The following CACNA2D3 variants were observed in gnomAD, a reference collection of about 807,000 sequenced individuals.
The protein encoded by CACNA2D3 is calcium voltage-gated channel auxiliary subunit alpha2delta 3.
A neutral mutation model predicts 160.6 loss-of-function variants in CACNA2D3; 60 were observed. The ratio of observed to expected loss-of-function variants is 0.37; its 90% confidence interval spans 0.30 to 0.46. The LOEUF (loss-of-function observed/expected upper bound fraction) is 0.46, where lower values mean the gene tolerates loss of function less well. CACNA2D3 is among the 20% of genes least tolerant of loss of function. The pLI, the probability that CACNA2D3 is intolerant of heterozygous loss-of-function variation, is 1.00. For missense variants in CACNA2D3, 1,205 were observed against 1,365.0 expected (o/e 0.88, Z 1.85); for synonymous variants, 558 against 492.9 (o/e 1.13, Z -1.75).
At chr3:54,829,885 C>CTTTTTTTTTTTTTTTTTTTTTTTTT (rs58291013) in intron 14 of CACNA2D3, among the ~76,000 whole-genome samples, 2 of 64,310 alleles carry the variant, frequency 3.1e-5, no homozygotes, top group African/African-American at 6.3e-5. Flanking sequence ...TCTTCTTCAT[C>CTTTTTTTTTTTTTTTTTTTTTTTTT]TTTTTTTTTT....
chr3:54,583,265 AC>A (rs1702708195), intron 9 of CACNA2D3, among the ~76,000 whole-genome samples: 1 of 152,196 alleles, frequency 6.6e-6, no homozygotes, highest in African/African-American at 2.4e-5. Context: ...TCCCAGAGGA[AC>A]AAAGGACAGT....
chr3:54,591,826 C>T (rs181816088), intron 9 of CACNA2D3, among the ~76,000 whole-genome samples: 9 of 151,812 alleles, frequency 5.9e-5, no homozygotes, highest in South Asian at 2.1e-4. Flanking sequence ...GTGTAGAACT[C>T]GCGGTGTGAT....
At chr3:54,680,008 C>T (rs1489175363) in intron 11 of CACNA2D3, among the ~76,000 whole-genome samples, 6 of 152,124 alleles carry the variant, frequency 3.9e-5, no homozygotes, top group Non-Finnish European at 5.9e-5. Context: ...TTATGAAAAC[C>T]AGTAACAGCG....
chr3:54,339,701 A>G (rs1032354887), intron 3 of CACNA2D3, among the ~76,000 whole-genome samples: 1 of 152,224 alleles, frequency 6.6e-6, no homozygotes, highest in South Asian at 2.1e-4. Context: ...ACAATATTAG[A>G]AACTCGAGTA....
chr3:54,145,195 A>G (rs2107272970), intron 2 of CACNA2D3, among the ~76,000 whole-genome samples: 1 of 152,364 alleles, frequency 6.6e-6, no homozygotes, highest in Non-Finnish European at 1.5e-5. Flanking sequence ...AATTAAGGGT[A>G]ACAGTAATAA....
chr3:54,151,961 G>T (rs1700159894), intron 2 of CACNA2D3, among the ~76,000 whole-genome samples: 2 of 152,164 alleles, frequency 1.3e-5, no homozygotes, highest in African/African-American at 4.8e-5. Context: ...AAGCACCTTT[G>T]CAGGTCCTGC....
intron 27 of CACNA2D3, among the ~76,000 whole-genome samples, chr3:54,952,901 G>A (rs1050229197): frequency 2.0e-5 from 3 of 152,138 alleles, no homozygotes; most frequent in Non-Finnish European, 2.9e-5. Flanking sequence ...ACTAGGTCTG[G>A]CTTACTTGTC....
chr3:54,679,540 C>T lies in CACNA2D3; in HGVS notation c.1167+37299C>T, dbSNP rs143280101. Among the ~76,000 whole-genome samples, 841 of 152,236 alleles carry T rather than the reference C, an allele frequency of 5.5e-3. 14 individuals carry two copies. The highest frequency in any genetic ancestry group is 0.019 in the African/African-American group (803 of 41,536). On this transcript the variant is annotated intron_variant, in intron 11 of 37. Coordinates refer to ENST00000474759, the MANE Select transcript of CACNA2D3 (RefSeq NM_018398.3). ...TGCAGTTTTCCAGATTGTGGTAGGCCTCCATTCTTTGTGCAATGTCATATA... is the reference window on the plus strand; with the variant it reads ...TGCAGTTTTCCAGATTGTGGTAGGCTTCCATTCTTTGTGCAATGTCATATA...
At chr3:54,419,241 G>C (rs1351235737) in intron 4 of CACNA2D3, among the ~76,000 whole-genome samples, 1 of 152,162 alleles carries the variant, frequency 6.6e-6, no homozygotes, top group African/African-American at 2.4e-5. Context: ...TCCACAGAGG[G>C]GCTGTGCTTA....
At chr3:54,348,760 G>C (rs549370008) in intron 3 of CACNA2D3, among the ~76,000 whole-genome samples, 1 of 152,148 alleles carries the variant, frequency 6.6e-6, no homozygotes, top group South Asian at 2.1e-4. Flanking sequence ...ACGGAGTCTC[G>C]CTCTGTCACC....
At chr3:54,803,655 C>A (rs1336898577) in intron 13 of CACNA2D3, among the ~76,000 whole-genome samples, 2 of 152,162 alleles carry the variant, frequency 1.3e-5, no homozygotes, top group Non-Finnish European at 1.5e-5. Context: ...AGTAGAACTT[C>A]CCCAATCTAG....
At chr3:54,317,383 A>G (rs1703886858) in intron 2 of CACNA2D3, among the ~76,000 whole-genome samples, 1 of 152,192 alleles carries the variant, frequency 6.6e-6, no homozygotes, top group Admixed American at 6.5e-5. Flanking sequence ...GGTAATTTAC[A>G]AGAGAAGAGT....
chr3:54,470,375 A>G (rs1700707980), intron 4 of CACNA2D3, among the ~76,000 whole-genome samples: 2 of 152,262 alleles, frequency 1.3e-5, no homozygotes, highest in East Asian at 1.9e-4. Context: ...ACAGAGAAGC[A>G]AATGGTGAGA....
intron 27 of CACNA2D3, among the ~76,000 whole-genome samples, chr3:54,942,489 G>T (rs1238185761): frequency 6.6e-6 from 1 of 152,180 alleles, no homozygotes; most frequent in Non-Finnish European, 1.5e-5. Context: ...CTGATTATAT[G>T]CTCCTCTTAA....
intron 11 of CACNA2D3, among the ~76,000 whole-genome samples, chr3:54,696,591 G>T (rs1158554482): frequency 6.6e-6 from 1 of 152,138 alleles, no homozygotes; most frequent in Non-Finnish European, 1.5e-5. Flanking sequence ...ACAGAGGAAA[G>T]AATGGCACAG....
intron 29 of CACNA2D3, among the ~76,000 whole-genome samples, chr3:54,970,449 CCTCCTCTCCTCCCCTCCG>C (rs1702245493): frequency 1.7e-5 from 1 of 57,390 alleles, no homozygotes; most frequent in Non-Finnish European, 3.8e-5. Context: ...CCTCCCCTCC[CCTCCTCTCCTCCCCTCCG>C]TTCCTCACCC....
At chr3:54,246,417 A>G (rs1702077306) in intron 2 of CACNA2D3, among the ~76,000 whole-genome samples, 1 of 152,168 alleles carries the variant, frequency 6.6e-6, no homozygotes, top group Admixed American at 6.6e-5. Context: ...TGGGGGCCGG[A>G]TGCGATGGCT....
intron 5 of CACNA2D3, among the ~76,000 whole-genome samples, chr3:54,531,688 C>T (rs71301891): frequency 6.6e-6 from 1 of 152,196 alleles, no homozygotes; most frequent in Non-Finnish European, 1.5e-5. Context: ...TGTCGGAAGT[C>T]ATCATTCCAA....
At chr3:54,515,747 A>C (rs1008608551) in intron 5 of CACNA2D3, among the ~76,000 whole-genome samples, 1 of 152,250 alleles carries the variant, frequency 6.6e-6, no homozygotes, top group African/African-American at 2.4e-5. Context: ...TGTCACAGAC[A>C]TGGAAATGCC....
Sources: allele counts gnomAD v4.1 joint callset (sites outside exome capture counted in the v4.1 genomes callset), GRCh38; gene constraint gnomAD v4.1.1; transcripts MANE v1.5; gene names NCBI Gene and HGNC (gene_info 2026-07-23, HGNC 2026-07-21).